ZFYVE28: variants seen among roughly 807,000 people sequenced by gnomAD.
The protein encoded by ZFYVE28 is zinc finger FYVE-type containing 28, also known as lateral signaling target protein 2 homolog.
Under a neutral mutation model 82.1 loss-of-function variants are expected in ZFYVE28, and 40 were observed. The observed-to-expected ratio is 0.49, with a 90% CI of 0.38 to 0.63. ZFYVE28 has a LOEUF of 0.63. ZFYVE28 is among the 30% of genes least tolerant of loss of function. The pLI, the probability that ZFYVE28 is intolerant of heterozygous loss-of-function variation, is 0.00. For synonymous variants in ZFYVE28, 612 were observed against 546.1 expected, an observed-to-expected ratio of 1.12 and a Z score of -1.68; for missense variants, 1,321 against 1,242.1, an observed-to-expected ratio of 1.06 and a Z score of -0.96.
Position 2,270,392 on chromosome 4 carries a change from C to A in ZFYVE28, c.*333G>T, listed in dbSNP as rs1471622053. 2 of 354,308 alleles carry A rather than the reference C, an allele frequency of 5.6e-6. No homozygotes were observed. The highest frequency in any genetic ancestry group is 1.1e-5 in the Non-Finnish European group (2 of 187,336). The allele number at this position is 354,308 out of a possible 1,614,324, so 21.9% of individuals were successfully genotyped here. A position where few individuals can be genotyped will look rare whatever the true frequency, so the allele number is the denominator to read the frequency against. On this transcript the variant is annotated 3_prime_UTR_variant, in exon 13 of 13. Transcript: ENST00000290974. ...CCCACTCTTGTCCACCTCCATCACC[C>A]GCCCCGATTCCCATAGCCCCAGCAG...
chr4:2,368,220 A>AAAAAAAAAAAAAC (rs1553856559), intron 1 of ZFYVE28, among the ~76,000 whole-genome samples: 40 of 149,092 alleles, frequency 2.7e-4, no homozygotes, highest in African/African-American at 9.6e-4. Flanking sequence ...ACAAAAAAAA[A>AAAAAAAAAAAAAC]AAAAAAAAAA....
intron 1 of ZFYVE28, among the ~76,000 whole-genome samples, chr4:2,410,527 G>A (rs547891927): frequency 2.1e-5 from 3 of 139,958 alleles, no homozygotes; most frequent in Non-Finnish European, 3.0e-5. Flanking sequence ...ATAGAGTCTC[G>A]CTCTGTTGCC....
intron 1 of ZFYVE28, among the ~76,000 whole-genome samples, chr4:2,412,849 C>A (rs1015429664): frequency 4.6e-5 from 7 of 152,156 alleles, no homozygotes; most frequent in African/African-American, 1.7e-4. Flanking sequence ...CTCTTAAGGT[C>A]GAACAAAATG....
chr4:2,343,375 C>T (rs1005617681), intron 2 of ZFYVE28: 3 of 152,070 alleles, frequency 2.0e-5, no homozygotes, highest in Admixed American at 6.5e-5. Flanking sequence ...GGAAGAGATA[C>T]GAAAACTCAC....
intron 1 of ZFYVE28, among the ~76,000 whole-genome samples, chr4:2,354,453 A>ATTT (rs11454323): frequency 1.7e-4 from 21 of 122,508 alleles, no homozygotes; most frequent in East Asian, 4.5e-4. Context: ...CTCTCAGGAA[A>ATTT]TTTTTTTTTT....
At chr4:2,291,405 G>T (rs1383348664) in intron 8 of ZFYVE28, among the ~76,000 whole-genome samples, 1 of 152,150 alleles carries the variant, frequency 6.6e-6, no homozygotes, top group Non-Finnish European at 1.5e-5. Flanking sequence ...ACCTTCTTGG[G>T]CTCACGGGGA....
At chr4:2,404,077 T>C (rs910538411) in intron 1 of ZFYVE28, among the ~76,000 whole-genome samples, 2 of 151,202 alleles carry the variant, frequency 1.3e-5, no homozygotes, top group Non-Finnish European at 2.9e-5. Flanking sequence ...TCCCAGCACA[T>C]TGGGAGGCTG....
At position 2,362,242 on chromosome 4, in the gene ZFYVE28, G is replaced by A. The variant is rs1230564093; in HGVS notation, c.40-8169C>T. 1.3e-5 allele frequency among the ~76,000 whole-genome samples: 2 copies of A among 152,118 alleles called. No individual in the cohort carries two copies. The highest frequency in any genetic ancestry group is 2.4e-5 in the African/African-American group (1 of 41,398). ...GAGCATGCAGGGGTGAGGACCAGGTGTCTGAGGCACCGCCTGGGCCTCTCC... is the reference window on the plus strand; with the variant it reads ...GAGCATGCAGGGGTGAGGACCAGGTATCTGAGGCACCGCCTGGGCCTCTCC... On this transcript the variant is annotated intron_variant, in intron 1 of 12. Coordinates refer to ENST00000290974, the MANE Select transcript of ZFYVE28 (RefSeq NM_020972.3). This position sits in a 1 kb window ranked among gnomAD's most constrained non-coding sequence, Gnocchi z 5.1.
chr4:2,365,991 G>A (rs761178036), intron 1 of ZFYVE28, among the ~76,000 whole-genome samples: 1 of 152,146 alleles, frequency 6.6e-6, no homozygotes, highest in Non-Finnish European at 1.5e-5. Flanking sequence ...TGACCTGCTC[G>A]TAGGAAGCCA....
intron 1 of ZFYVE28, among the ~76,000 whole-genome samples, chr4:2,414,627 G>A (rs375720135): frequency 6.6e-6 from 1 of 152,210 alleles, no homozygotes; most frequent in South Asian, 2.1e-4. Context: ...ATAACCCACT[G>A]AGGGTCAATT....
intron 1 of ZFYVE28, among the ~76,000 whole-genome samples, chr4:2,379,641 C>T (rs191193937): frequency 2.6e-5 from 4 of 152,300 alleles, no homozygotes; most frequent in Admixed American, 2.6e-4. Context: ...TTCACATTGC[C>T]ACCCCACCTC....
chr4:2,303,815 C>T (rs532526814), intron 8 of ZFYVE28, among the ~76,000 whole-genome samples: 16 of 152,350 alleles, frequency 1.1e-4, no homozygotes, highest in Middle Eastern at 3.4e-3. Flanking sequence ...GTCTGCGTCT[C>T]GTTTCAGCCC....
In ZFYVE28 at chr4:2,339,548, G is replaced by A. The variant is rs747733288; in HGVS notation, c.426C>T (p.Leu142=). 1.5e-5 allele frequency: 25 copies of A among 1,613,408 alleles called. No individual in the cohort carries two copies. The highest frequency in any genetic ancestry group is 1.9e-5 in the Non-Finnish European group (23 of 1,179,906). ...TRSLEDVRGA[L]RDQALRDLNT... The stretch of plus-strand genomic sequence containing the variant: ...TCAGGTCCCGCAGCGCCTGGTCACG[G>A]AGGGCGCCCCGCACGTCCTCCAGGC... The change falls in exon 4 of 13, where the codon CTC becomes CTT. Residue 142 remains leucine (L), a synonymous_variant. Coordinates refer to ENST00000290974, the MANE Select transcript of ZFYVE28 (RefSeq NM_020972.3). This position sits in a 1 kb window ranked among gnomAD's most constrained non-coding sequence, Gnocchi z 5.0.
chr4:2,297,896 G>T (rs1020694710), intron 8 of ZFYVE28, among the ~76,000 whole-genome samples: 4 of 147,058 alleles, frequency 2.7e-5, no homozygotes, highest in African/African-American at 1.0e-4. Flanking sequence ...GTGACAGTGG[G>T]GTGACACAGT....
At chr4:2,298,796 G>C (rs557368291) in intron 8 of ZFYVE28, among the ~76,000 whole-genome samples, 1 of 152,322 alleles carries the variant, frequency 6.6e-6, no homozygotes, top group Admixed American at 6.5e-5. Context: ...AGCCTTGACC[G>C]TGTGTCAGGA....
Position 2,341,556 on chromosome 4 carries a change from G to C in ZFYVE28, c.240C>G (p.Ala80=), listed in dbSNP as rs1443414191. 1 of 1,614,114 alleles carries C rather than the reference G, an allele frequency of 6.2e-7. No individual in the cohort carries two copies. The highest frequency in any genetic ancestry group is 8.5e-7 in the Non-Finnish European group (1 of 1,180,038). The change falls in exon 3 of 13, where the codon GCC becomes GCG. Residue 80 remains alanine (A), a synonymous_variant. Transcript: ENST00000290974. This position sits in a 1 kb window ranked among gnomAD's most constrained non-coding sequence, Gnocchi z 4.5. ...GGAACTTGACGCAGAAATCTCTGGG[G>C]GCGCGGTCCTGGGGGATGCACTCAT... ...IMDECIPQDR[A]PRDFCVKFPE...
At chr4:2,377,414 T>C (rs906804983) in intron 1 of ZFYVE28, among the ~76,000 whole-genome samples, 1 of 152,248 alleles carries the variant, frequency 6.6e-6, no homozygotes. Flanking sequence ...TTTCCACCCT[T>C]GCAGCTGTTT....
At chr4:2,303,734 A>G (rs909938019) in intron 8 of ZFYVE28, among the ~76,000 whole-genome samples, 20 of 151,826 alleles carry the variant, frequency 1.3e-4, no homozygotes, top group African/African-American at 1.9e-4. Flanking sequence ...CCCTGGGAAC[A>G]CCCCTGGGAA....
At chr4:2,365,638 C>T (rs1349465942) in intron 1 of ZFYVE28, among the ~76,000 whole-genome samples, 1 of 152,152 alleles carries the variant, frequency 6.6e-6, no homozygotes, top group Non-Finnish European at 1.5e-5. Context: ...GGTGGAACAG[C>T]TCGCCCCACT....
Sources: gnomAD v4.1 joint callset for allele counts (sites outside exome capture counted in the v4.1 genomes callset) on GRCh38, gnomAD v4.1.1 for gene constraint, Gnocchi (gnomAD v3.1) non-coding constraint, MANE v1.5 for transcripts, NCBI Gene and HGNC (gene_info 2026-07-23, HGNC 2026-07-21) for gene names.